Variants in MTNR1A observed in about 807,000 individuals in gnomAD.
MTNR1A encodes melatonin receptor 1A, also known as melatonin receptor type 1A.
MTNR1A carries 7 observed loss-of-function variants against 5.5 expected under a neutral mutation model. The observed-to-expected ratio is 1.28, with a 90% CI of 0.73 to 2.40. The LOEUF (loss-of-function observed/expected upper bound fraction) is 2.40, where lower values mean the gene tolerates loss of function less well. Ranked by LOEUF, MTNR1A falls within the 30% of genes most tolerant of loss-of-function variation. MTNR1A has a pLI of 0.00. For synonymous variants in MTNR1A, 196 were observed against 202.7 expected (o/e 0.97, Z 0.28); for missense variants, 441 against 464.4 (o/e 0.95, Z 0.46).
chr4:186,551,540 T>C (rs1420319076), intron 1 of MTNR1A, among the ~76,000 whole-genome samples: 1 of 151,950 alleles, frequency 6.6e-6, no homozygotes, highest in Non-Finnish European at 1.5e-5. Context: ...GGTGGGTAGG[T>C]AGGTGGATGG....
rs377204813 is a variant in MTNR1A at position 186,534,040 on chromosome 4, G to T, written c.702C>A (p.Phe234Leu). ...DRKPKLKPQDFRNFVTMFVVF... is the reference protein window; with the variant it reads ...DRKPKLKPQDLRNFVTMFVVF... ...CCACAAACATGGTGACAAAATTCCT[G>T]AAGTCCTGTGGTTTCAGTTTGGGTT... Residue 234 changes from phenylalanine (F) to leucine (L), a missense_variant, in exon 2 of 2, where the codon TTC (phenylalanine) becomes TTA (leucine). By Grantham distance (22) the Phe-to-Leu change is conservative. Coordinates refer to ENST00000307161, the MANE Select transcript of MTNR1A (RefSeq NM_005958.4). 18 of 1,614,000 alleles carry T rather than the reference G, an allele frequency of 1.1e-5. No individual in the cohort carries two copies. The highest frequency in any genetic ancestry group is 1.7e-5 in the Admixed American group (1 of 60,010).
intron 1 of MTNR1A, among the ~76,000 whole-genome samples, chr4:186,539,906 ATGGATGC>A (rs1404358376): frequency 6.6e-6 from 1 of 152,210 alleles, no homozygotes; most frequent in East Asian, 1.9e-4. Context: ...ACCCAAATTC[ATGGATGC>A]TTGTATTAGT....
intron 1 of MTNR1A, among the ~76,000 whole-genome samples, chr4:186,552,440 T>C (rs1737283195): frequency 6.6e-6 from 1 of 152,214 alleles, no homozygotes; most frequent in Admixed American, 6.5e-5. Flanking sequence ...CAAGATAGTA[T>C]TGTATTCTTG....
rs776629006 is a variant in MTNR1A, at chr4:186,555,152, C to T, written c.184+30G>A. 6.3e-7 allele frequency: 1 copy of T among 1,577,580 alleles called. No homozygotes were observed. Among genetic ancestry groups the T allele is most frequent in the Non-Finnish European group, 8.6e-7 (1 of 1,161,966 alleles). ...GCGGAGAGGCGCTGCGTCCGGAGCG[C>T]TGGCCCAGGGGAGGCGGCGCGGGCC... On this transcript the variant is annotated intron_variant, in intron 1 of 1. Transcript: ENST00000307161. This position sits in a 1 kb window ranked among gnomAD's most constrained non-coding sequence, Gnocchi z 4.1.
chr4:186,545,729 G>A (rs1289538916), intron 1 of MTNR1A, among the ~76,000 whole-genome samples: 1 of 152,156 alleles, frequency 6.6e-6, no homozygotes, highest in Non-Finnish European at 1.5e-5. Flanking sequence ...GAGTGTGCCT[G>A]AGCTTAAGCA....
intron 1 of MTNR1A, among the ~76,000 whole-genome samples, chr4:186,553,490 C>A (rs1007216733): frequency 6.6e-6 from 1 of 152,078 alleles, no homozygotes; most frequent in African/African-American, 2.4e-5. Flanking sequence ...ATTGTTCAGG[C>A]GTGATCATTT....
intron 1 of MTNR1A, among the ~76,000 whole-genome samples, chr4:186,537,843 T>G (rs1393071155): frequency 1.3e-5 from 2 of 152,254 alleles, no homozygotes; most frequent in African/African-American, 2.4e-5. Context: ...GAAGCGTATT[T>G]GAACTAGAAC....
chr4:186,545,496 G>A (rs191177761), intron 1 of MTNR1A, among the ~76,000 whole-genome samples: 214 of 152,240 alleles, frequency 1.4e-3, no homozygotes, highest in African/African-American at 5.1e-3. Flanking sequence ...TTAGGTGCTC[G>A]GAAATAATTT....
chr4:186,536,328 A>G (rs1736848660), intron 1 of MTNR1A, among the ~76,000 whole-genome samples: 1 of 151,692 alleles, frequency 6.6e-6, no homozygotes, highest in Non-Finnish European at 1.5e-5. Flanking sequence ...CCTGGGTGAC[A>G]AGAGCAAAAC....
At chr4:186,548,963 C>A (rs1737214053) in intron 1 of MTNR1A, among the ~76,000 whole-genome samples, 1 of 149,924 alleles carries the variant, frequency 6.7e-6, no homozygotes, top group Non-Finnish European at 1.5e-5. Flanking sequence ...TCAGAGGGAA[C>A]AACGAAAGGA....
chr4:186,534,330 G>A lies in MTNR1A; in HGVS notation c.412C>T (p.Leu138=), dbSNP rs779672200. 1 of 1,614,178 alleles carries A rather than the reference G, an allele frequency of 6.2e-7. No homozygotes were observed. The change falls in exon 2 of 2, where the codon CTG becomes TTG. Residue 138 remains leucine (L), a synonymous_variant. Transcript: ENST00000307161. Reference sequence around the variant, plus strand: ...CAGAGGGAGTTCTTGCTGCTGTACAGTTTGTCGTACTTGAGACTGTGGCAG... The same window carrying A: ...CAGAGGGAGTTCTTGCTGCTGTACAATTTGTCGTACTTGAGACTGTGGCAG... ...YICHSLKYDK[L]YSSKNSLCYV...
chr4:186,549,825 T>A (rs1054079789), intron 1 of MTNR1A, among the ~76,000 whole-genome samples: 1 of 152,198 alleles, frequency 6.6e-6, no homozygotes, highest in African/African-American at 2.4e-5. Context: ...CATTCTGCCT[T>A]ATACTCTAGG....
chr4:186,554,459 C>T (rs1737329827), intron 1 of MTNR1A, among the ~76,000 whole-genome samples: 1 of 152,162 alleles, frequency 6.6e-6, no homozygotes, highest in African/African-American at 2.4e-5. Flanking sequence ...ATCCAGCATC[C>T]TAAGAACAAA....
At chr4:186,546,693 A>AC (rs1454484037) in intron 1 of MTNR1A, among the ~76,000 whole-genome samples, 1 of 145,750 alleles carries the variant, frequency 6.9e-6, no homozygotes, top group Non-Finnish European at 1.5e-5. Context: ...CCCACACCAC[A>AC]CCTGTTCATA....
chr4:186,536,111 C>T (rs986757935), intron 1 of MTNR1A, among the ~76,000 whole-genome samples: 4 of 152,058 alleles, frequency 2.6e-5, no homozygotes, highest in East Asian at 1.9e-4. Flanking sequence ...TTTGGGAGGC[C>T]AAGGTGGGTG....
At chr4:186,535,389 G>GGA (rs531612041) in intron 1 of MTNR1A, among the ~76,000 whole-genome samples, 2 of 148,648 alleles carry the variant, frequency 1.3e-5, no homozygotes, top group South Asian at 2.1e-4. Context: ...TTTAATTACA[G>GGA]AAAAAAAAAA....
At chr4:186,552,343 G>A (rs1010331928) in intron 1 of MTNR1A, among the ~76,000 whole-genome samples, 1 of 152,192 alleles carries the variant, frequency 6.6e-6, no homozygotes, top group African/African-American at 2.4e-5. Flanking sequence ...ATCCGCTGTA[G>A]GTGAGAGCCT....
intron 1 of MTNR1A, among the ~76,000 whole-genome samples, chr4:186,547,386 C>G (rs1216360728): frequency 6.6e-6 from 1 of 150,724 alleles, no homozygotes; most frequent in Non-Finnish European, 1.5e-5. Flanking sequence ...ACACCACACC[C>G]TGTTCGTGGG....
intron 1 of MTNR1A, among the ~76,000 whole-genome samples, chr4:186,551,603 T>C (rs1448211971): frequency 6.6e-6 from 1 of 151,926 alleles, no homozygotes; most frequent in Non-Finnish European, 1.5e-5. Flanking sequence ...GATGAATGGG[T>C]GGTTGGACGT....
Sources: gnomAD v4.1 joint callset for allele counts (sites outside exome capture counted in the v4.1 genomes callset) on GRCh38, gnomAD v4.1.1 for gene constraint, Gnocchi (gnomAD v3.1) non-coding constraint, MANE v1.5 for transcripts, NCBI Gene and HGNC (gene_info 2026-07-23, HGNC 2026-07-21) for gene names.